Variants in STAB2 observed in about 807,000 individuals in gnomAD.
The protein encoded by STAB2 is stabilin-2.
In STAB2, 288 loss-of-function variants were observed where a neutral mutation model predicts 338.1. The ratio of observed to expected loss-of-function variants is 0.85; its 90% CI spans 0.77 to 0.94. The LOEUF is 0.94. STAB2 is among the 40% of genes least tolerant of loss of function. STAB2 has a pLI of 0.00. For synonymous variants in STAB2, 1,202 were observed against 1,193.3 expected (o/e 1.01, Z -0.15); for missense variants, 3,141 against 3,210.1 (o/e 0.98, Z 0.52).
chr12:103,637,974 C>A (rs1957575843), intron 7 of STAB2, 42 bp from the exon 8 acceptor site: 4 of 1,581,740 alleles, frequency 2.5e-6, no homozygotes, highest in South Asian at 2.3e-5. Flanking sequence ...CTTCTCCATC[C>A]CCGTTAACTA....
At chr12:103,726,023 T>C (rs1274738658) in intron 45 of STAB2, 93 bp from the exon 46 acceptor site, 79 of 1,409,918 alleles carry the variant, frequency 5.6e-5, no homozygotes, top group Non-Finnish European at 7.8e-5. Flanking sequence ...GATTTCCAGC[T>C]GAAGGGATGG....
At position 103,652,757 on chromosome 12, in the gene STAB2, A is replaced by G. The variant is rs112751161; in HGVS notation, c.1407+52A>G. 6,171 of 1,494,430 alleles carry G rather than the reference A, an allele frequency of 4.1e-3. 184 individuals are homozygous for G. In the African/African-American group the frequency reaches 0.068, roughly 17 times the overall value. 92.6% of individuals were successfully genotyped at this position (1,494,430 alleles called of 1,614,324 possible). A position where few individuals can be genotyped will look rare whatever the true frequency, so the allele number is the denominator to read the frequency against. On this transcript the variant is annotated intron_variant, in intron 12 of 68. Coordinates refer to ENST00000388887, the MANE Select transcript of STAB2 (RefSeq NM_017564.10). ...CAGAACTAAATTATCCACCAAGCCA[A>G]TGCCCATATCCTTCTCTCTCTTTTT...
At chr12:103,624,679 G>A (rs745867372) in intron 5 of STAB2, among the ~76,000 whole-genome samples, 4 of 152,274 alleles carry the variant, frequency 2.6e-5, no homozygotes, top group East Asian at 1.9e-4. Flanking sequence ...AGTGGCTCAC[G>A]CCTGTAATCC....
intron 3 of STAB2, 56 bp downstream of exon 3, chr12:103,594,566 G>A (rs1006851278): frequency 1.5e-6 from 2 of 1,340,328 alleles, no homozygotes; most frequent in Non-Finnish European, 2.1e-6. Flanking sequence ...TCATTTGGTA[G>A]AAAATTGAGA....
rs1033857091 is a variant in STAB2, at chr12:103,755,635, G to A, written c.6904G>A (p.Gly2302Ser). Residue 2302 changes from glycine to serine, a missense_variant, in exon 63 of 69, where the codon GGC becomes AGC. Coordinates refer to ENST00000388887, the MANE Select transcript of STAB2 (RefSeq NM_017564.10). ...AGATGTGAACTGCACCTGCAAGGTG[G>A]GCTATGTGGGAGATGGCTTCTCATG... ...MKDVNCTCKVGYVGDGFSCSG... is the reference protein window; with the variant it reads ...MKDVNCTCKVSYVGDGFSCSG... 1.2e-6 allele frequency: 2 copies of A among 1,614,014 alleles called. No individual in the cohort carries two copies. The highest frequency in any genetic ancestry group is 1.3e-5 in the African/African-American group (1 of 74,902).
intron 17 of STAB2, 149 bp downstream of exon 17, chr12:103,660,912 T>G: frequency 3.4e-6 from 3 of 873,068 alleles, no homozygotes; most frequent in Non-Finnish European, 5.4e-6. Context: ...TCTCAGCAGA[T>G]ATGTGCTGAG....
chr12:103,600,401 T>C (rs770610082), intron 3 of STAB2, among the ~76,000 whole-genome samples: 18 of 152,208 alleles, frequency 1.2e-4, no homozygotes, highest in Non-Finnish European at 2.2e-4. Flanking sequence ...TACTATAGAC[T>C]GAGTGGCTGA....
At chr12:103,595,487 G>A (rs1956861760) in intron 3 of STAB2, among the ~76,000 whole-genome samples, 1 of 151,818 alleles carries the variant, frequency 6.6e-6, no homozygotes, top group African/African-American at 2.4e-5. Context: ...TTCAGTCTTG[G>A]GTTTTTTTCC....
At position 103,648,789 on chromosome 12, in the gene STAB2, G is replaced by T. The variant is rs772128278; in HGVS notation, c.1140G>T (p.Trp380Cys). Residue 380 changes from tryptophan (W) to cysteine (C), a missense_variant, in exon 10 of 69, where the codon TGG becomes TGT. Trp to Cys is a radical substitution (Grantham distance 215). Coordinates refer to ENST00000388887, the MANE Select transcript of STAB2 (RefSeq NM_017564.10). ...RELNTEPRGK[W>C]QGRLTSFISL... is the part of the protein sequence containing the mutation. ...TAAATACTGAACCCAGAGGAAAATG[G>T]CAAGGAAGGCTGACCTCTTTCATCT... 3 of 1,614,106 alleles carry T rather than the reference G, an allele frequency of 1.9e-6. No homozygotes were observed. Among genetic ancestry groups the T allele is most frequent in the Non-Finnish European group, 2.5e-6 (3 of 1,179,994 alleles).
At chr12:103,739,702 A>C (rs932041284) in intron 54 of STAB2, among the ~76,000 whole-genome samples, 7 of 152,194 alleles carry the variant, frequency 4.6e-5, no homozygotes, top group African/African-American at 9.7e-5. Context: ...TAGAAAAGTC[A>C]TGGGATGGTA....
At position 103,722,893 on chromosome 12, in the gene STAB2, A is replaced by T. The variant is rs186608332; in HGVS notation, c.4684-2082A>T. Among the ~76,000 whole-genome samples the T allele has an allele frequency of 4.6e-5, 7 of 152,350 alleles. No individual in the cohort carries two copies. In the East Asian group the frequency reaches 1.3e-3, roughly 29 times the overall value. ...TGGGACCCAGACCCCAGGTGGAGAC[A>T]TCACCCTCAGATAGAAGCAGACGTA... is the stretch of plus-strand genomic sequence containing the variant. On this transcript the variant is annotated intron_variant, in intron 44 of 68. Transcript: ENST00000388887.
chr12:103,749,839 CACAAAAAA>C (rs1437931679), intron 59 of STAB2, among the ~76,000 whole-genome samples: 1 of 18,262 alleles, frequency 5.5e-5, no homozygotes, highest in Non-Finnish European at 9.1e-5. Flanking sequence ...GACTCTGTCT[CACAAAAAA>C]AAAAAAAAAA....
Position 103,742,432 on chromosome 12 carries a change from G to A in STAB2, c.5909G>A (p.Cys1970Tyr). Residue 1970 changes from cysteine (C) to tyrosine (Y), a missense_variant, in exon 56 of 69, where the codon TGT becomes TAT. By Grantham distance (194) the Cys-to-Tyr change is radical. Transcript: ENST00000388887. ...TGCCCTGGAGGACCAGATGCCCCGT[G>A]TAATAACCGGGGTGTCTGCCTTGAT... is the stretch of plus-strand genomic sequence containing the variant. The part of the protein sequence containing the change: ...QACPGGPDAP[C>Y]NNRGVCLDQY... 6.2e-7 allele frequency: 1 copy of A among 1,614,156 alleles called. No homozygotes were observed. The highest frequency in any genetic ancestry group is 8.5e-7 in the Non-Finnish European group (1 of 1,180,016).
At chr12:103,636,857 A>C (rs1182868545) in intron 6 of STAB2, among the ~76,000 whole-genome samples, 1 of 152,190 alleles carries the variant, frequency 6.6e-6, no homozygotes, top group Non-Finnish European at 1.5e-5. Context: ...ACATTGCTAA[A>C]TATTTTAACA....
chr12:103,669,480 C>T, intron 20 of STAB2, 61 bp from the exon 21 acceptor site: 1 of 1,373,788 alleles, frequency 7.3e-7, no homozygotes, highest in South Asian at 1.2e-5. Flanking sequence ...AAATGCATCC[C>T]CTTTGAGGAA....
chr12:103,644,353 C>T (rs1387318987), intron 9 of STAB2, among the ~76,000 whole-genome samples: 3 of 149,802 alleles, frequency 2.0e-5, no homozygotes, highest in Non-Finnish European at 4.5e-5. Flanking sequence ...TAAGAGTCAT[C>T]ACCACTCCCT....
intron 9 of STAB2, among the ~76,000 whole-genome samples, 188 bp from the exon 10 acceptor site, chr12:103,648,502 T>C (rs1053455298): frequency 2.0e-5 from 3 of 152,186 alleles, no homozygotes; most frequent in Admixed American, 6.5e-5. Flanking sequence ...GACAGATACA[T>C]TTAATTTATT....
chr12:103,693,217 T>A (rs1427749086), intron 31 of STAB2, among the ~76,000 whole-genome samples: 1 of 151,568 alleles, frequency 6.6e-6, no homozygotes, highest in African/African-American at 2.4e-5. Flanking sequence ...ATTTTGGGAG[T>A]CTGAGGTAGG....
intron 3 of STAB2, among the ~76,000 whole-genome samples, chr12:103,619,937 C>T (rs560378950): frequency 5.9e-5 from 9 of 152,276 alleles, no homozygotes; most frequent in Non-Finnish European, 1.0e-4. Flanking sequence ...TCAAAAGCCC[C>T]ATTTAAATAA....
Sources: allele counts gnomAD v4.1 joint callset (sites outside exome capture counted in the v4.1 genomes callset), GRCh38; gene constraint gnomAD v4.1.1; transcripts MANE v1.5; gene names NCBI Gene and HGNC (gene_info 2026-07-23, HGNC 2026-07-21).